The following PPEF2 variants were observed in gnomAD, a reference collection of about 807,000 sequenced individuals.
The protein encoded by PPEF2 is protein phosphatase with EF-hand domain 2.
A neutral mutation model predicts 84.7 loss-of-function variants in PPEF2; 84 were observed. That is an observed-to-expected ratio of 0.99 (90% confidence interval 0.83 to 1.19). The LOEUF (loss-of-function observed/expected upper bound fraction) is 1.19. Ranked by LOEUF, PPEF2 falls within the 50% of genes most tolerant of loss-of-function variation. The pLI, the probability that PPEF2 is intolerant of heterozygous loss-of-function variation, is 0.00. For synonymous variants in PPEF2, 346 were observed against 345.2 expected (o/e 1.00, Z -0.03); for missense variants, 924 against 937.5 (o/e 0.99, Z 0.19).
chr4:75,876,376 C>G lies in PPEF2; in HGVS notation c.1231G>C (p.Gly411Arg), dbSNP rs554298761. 1 of 1,614,104 alleles carries G rather than the reference C, an allele frequency of 6.2e-7. No individual in the cohort carries two copies. Among genetic ancestry groups the G allele is most frequent in the South Asian group, 1.1e-5 (1 of 91,082 alleles). ...GAGCGGGAGGGCTCCTCTTTCTCTC[C>G]GGTCACCAGGAGGCCTGCTTGCTGC... Reference protein sequence around the residue: ...CRQQAGLLVTGEKEEPSRSAS... With the variant: ...CRQQAGLLVTREKEEPSRSAS... Residue 411 changes from glycine (G) to arginine (R), a missense_variant, in exon 11 of 17, where the codon GGA becomes CGA. By Grantham distance (125) the Gly-to-Arg change is moderately radical. Coordinates refer to ENST00000286719, the MANE Select transcript of PPEF2 (RefSeq NM_006239.3).
In PPEF2 at chr4:75,860,932, G is replaced by C; in HGVS notation, c.2009-12C>G. 2 of 1,609,870 alleles carry C rather than the reference G, an allele frequency of 1.2e-6. No individual in the cohort carries two copies. Among genetic ancestry groups the C allele is most frequent in the Non-Finnish European group, 1.7e-6 (2 of 1,176,552 alleles). On this transcript the variant is annotated splice_polypyrimidine_tract_variant and intron_variant, in intron 16 of 16. Transcript: ENST00000286719. ...CAGTGAGATGAACCCTTATCAGAGG[G>C]AGGAAATCACTTCAGTGAGTTAGTC...
In PPEF2 at chr4:75,876,280, C is replaced by A; in HGVS notation, c.1320+7G>T. 1 of 1,586,624 alleles carries A rather than the reference C, an allele frequency of 6.3e-7. No homozygotes were observed. The highest frequency in any genetic ancestry group is 1.1e-5 in the South Asian group (1 of 87,096). Reference sequence around the variant, plus strand: ...CATGCTAGGAAGCAGCGCCTGGCCACGCTCACCTGCCTCCACTCCTCCTGA... The same window carrying A: ...CATGCTAGGAAGCAGCGCCTGGCCAAGCTCACCTGCCTCCACTCCTCCTGA... On this transcript the variant is annotated splice_region_variant and intron_variant, in intron 11 of 16. Transcript: ENST00000286719.
At chr4:75,888,175 TG>T (rs776054962) in intron 6 of PPEF2, 38 bp downstream of exon 6, 1 of 1,452,014 alleles carries the variant, frequency 6.9e-7, no homozygotes, top group South Asian at 1.1e-5. Flanking sequence ...CATTCTTCTT[TG>T]TGTGCAGCAT....
At chr4:75,878,307 T>C (rs946470821) in intron 10 of PPEF2, among the ~76,000 whole-genome samples, 1 of 152,222 alleles carries the variant, frequency 6.6e-6, no homozygotes, top group African/African-American at 2.4e-5. Flanking sequence ...GAGCAGATTG[T>C]AGCAGCGAGC....
chr4:75,889,937 G>C lies in PPEF2; in HGVS notation c.417+20C>G. ...ATTTCATGGAGTTGGTAGTGACCCA[G>C]GTTCCCCAGGTGAGCTTACTTGTTT... On this transcript the variant is annotated intron_variant, in intron 5 of 16. Coordinates refer to ENST00000286719, the MANE Select transcript of PPEF2 (RefSeq NM_006239.3). 3 of 1,613,342 alleles carry C rather than the reference G, an allele frequency of 1.9e-6. No individual in the cohort carries two copies. Among genetic ancestry groups the C allele is most frequent in the Non-Finnish European group, 2.5e-6 (3 of 1,179,408 alleles).
At chr4:75,884,563 A>C (rs751543316) in intron 8 of PPEF2, 31 bp downstream of exon 8, 36 of 1,532,864 alleles carry the variant, frequency 2.3e-5, no homozygotes, top group Middle Eastern at 4.6e-4. Flanking sequence ...ACAAACAAAC[A>C]TCAAATACTC....
chr4:75,889,362 C>T (rs1302437635), intron 5 of PPEF2, among the ~76,000 whole-genome samples: 1 of 152,162 alleles, frequency 6.6e-6, no homozygotes, highest in Non-Finnish European at 1.5e-5. Flanking sequence ...TCCCGAGGTT[C>T]GTGAACAGTC....
At chr4:75,874,450 C>G (rs890596571) in intron 11 of PPEF2, among the ~76,000 whole-genome samples, 4 of 152,002 alleles carry the variant, frequency 2.6e-5, no homozygotes, top group Non-Finnish European at 5.9e-5. Flanking sequence ...CGTGTGCCAC[C>G]ATGCCCAGCT....
intron 13 of PPEF2, among the ~76,000 whole-genome samples, chr4:75,869,233 T>C (rs1290766462): frequency 6.6e-6 from 1 of 152,218 alleles, no homozygotes; most frequent in Non-Finnish European, 1.5e-5. Context: ...AGTAGGGCAA[T>C]GCCCTTGAAA....
chr4:75,860,904 GTCC>G lies in PPEF2; in HGVS notation c.2022_2024del (p.Asp675del). On this transcript the variant is annotated inframe_deletion, in exon 17 of 17. Transcript: ENST00000286719. ...ACAGCTTCCAGGTCTGCCTGAACTC[GTCC>G]AGTGAGATGAACCCTTATCAGAGGG... is the stretch of plus-strand genomic sequence containing the variant. The G allele has an allele frequency of 1.2e-6, 2 of 1,614,046 alleles. No homozygotes were observed. Among genetic ancestry groups the G allele is most frequent in the Non-Finnish European group, 1.7e-6 (2 of 1,179,888 alleles).
At chr4:75,891,172 C>T (rs966927094) in intron 4 of PPEF2, among the ~76,000 whole-genome samples, 3 of 144,582 alleles carry the variant, frequency 2.1e-5, no homozygotes, top group Non-Finnish European at 3.0e-5. Flanking sequence ...CAGAACGAGA[C>T]TCTGTCTCAA....
chr4:75,868,969 T>C (rs1254148238), intron 13 of PPEF2, among the ~76,000 whole-genome samples: 1 of 152,112 alleles, frequency 6.6e-6, no homozygotes, highest in East Asian at 1.9e-4. Context: ...TCTATGATCA[T>C]GCTACTATAC....
chr4:75,889,968 T>C lies in PPEF2; in HGVS notation c.406A>G (p.Arg136Gly). The C allele has an allele frequency of 1.2e-6, 2 of 1,614,142 alleles. No homozygotes were observed. The highest frequency in any genetic ancestry group is 1.7e-6 in the Non-Finnish European group (2 of 1,179,998). The change falls in exon 5 of 17, where the codon AGA becomes GGA. Residue 136 changes from arginine (R) to glycine (G), a missense_variant. Physicochemically the swap from Arg to Gly is moderately radical, Grantham distance 125 (BLOSUM62 -2). Coordinates refer to ENST00000286719, the MANE Select transcript of PPEF2 (RefSeq NM_006239.3). The part of the protein sequence containing the change: ...DHATALVEAF[R>G]LKQQLHARYV... The stretch of plus-strand genomic sequence containing the variant: ...CCAGGTGAGCTTACTTGTTTCAGTC[T>C]GAATGCTTCTACCAGGGCAGTTGCA...
Position 75,876,396 on chromosome 4 carries a change from T to TG in PPEF2, c.1210dup (p.Gln404ProfsTer23). On this transcript the variant is annotated frameshift_variant, in exon 11 of 17. Coordinates refer to ENST00000286719, the MANE Select transcript of PPEF2 (RefSeq NM_006239.3). LOFTEE classifies it high-confidence loss of function. ...CTCTCCGGTCACCAGGAGGCCTGCT[T>TG]GCTGCCGGCACCGCTCTAGCTCCAG... 1.2e-6 allele frequency: 2 copies of TG among 1,614,126 alleles called. No individual in the cohort carries two copies. Among genetic ancestry groups the TG allele is most frequent in the Non-Finnish European group, 8.5e-7 (1 of 1,180,028 alleles).
intron 2 of PPEF2, among the ~76,000 whole-genome samples, chr4:75,894,365 A>G (rs187443084): frequency 3.3e-5 from 5 of 152,038 alleles, no homozygotes; most frequent in African/African-American, 1.2e-4. Context: ...ACATCCCTTT[A>G]AGGAAAATAG....
chr4:75,880,945 G>A (rs61148547), intron 10 of PPEF2, among the ~76,000 whole-genome samples: 4,574 of 151,392 alleles, frequency 0.03, 177 homozygotes, highest in African/African-American at 0.087. Flanking sequence ...GACTACAGGC[G>A]CACGCTGCCA....
intron 1 of PPEF2, among the ~76,000 whole-genome samples, chr4:75,901,083 T>C (rs1028593413): frequency 2.6e-5 from 4 of 152,186 alleles, no homozygotes; most frequent in African/African-American, 9.6e-5. Flanking sequence ...TAATTAAAAA[T>C]CAATAAATGA....
chr4:75,878,313 C>T lies in PPEF2; in HGVS notation c.934-1640G>A, dbSNP rs181884857. 3.9e-5 allele frequency among the ~76,000 whole-genome samples: 6 copies of T among 152,212 alleles called. No individual in the cohort carries two copies. In the East Asian group the frequency reaches 9.7e-4, roughly 24 times the overall value. On this transcript the variant is annotated intron_variant, in intron 10 of 16. Coordinates refer to ENST00000286719, the MANE Select transcript of PPEF2 (RefSeq NM_006239.3). Reference sequence around the variant, plus strand: ...CAGGCCACAGAGCAGATTGTAGCAGCGAGCAAAAAGAGAGAGCAGCCATTC... The same window carrying T: ...CAGGCCACAGAGCAGATTGTAGCAGTGAGCAAAAAGAGAGAGCAGCCATTC...
At chr4:75,876,261 A>G (rs775734561) in intron 11 of PPEF2, 26 bp downstream of exon 11, 22 of 1,560,402 alleles carry the variant, frequency 1.4e-5, no homozygotes, top group Non-Finnish European at 1.8e-5. Flanking sequence ...GCCACATGCT[A>G]GGAAGCAGCG....
Sources: gnomAD v4.1 joint callset for allele counts (sites outside exome capture counted in the v4.1 genomes callset) on GRCh38, gnomAD v4.1.1 for gene constraint, MANE v1.5 for transcripts, NCBI Gene and HGNC (gene_info 2026-07-23, HGNC 2026-07-21) for gene names.